SDCCAG8: variants seen among roughly 807,000 people sequenced by gnomAD.
The protein encoded by SDCCAG8 is SHH signaling and ciliogenesis regulator SDCCAG8, also known as serologically defined colon cancer antigen 8.
In SDCCAG8, 74 loss-of-function variants were observed where a neutral mutation model predicts 101.8. That is an observed-to-expected ratio of 0.73 (90% CI 0.60 to 0.88). The LOEUF is 0.88. Ranked by LOEUF, SDCCAG8 falls within the 40% of genes least tolerant of loss-of-function variation. The pLI is 0.00. For missense variants in SDCCAG8, 787 were observed against 822.6 expected (o/e 0.96, Z 0.53); for synonymous variants, 281 against 292.9 (o/e 0.96, Z 0.41).
chr1:243,370,805 T>A (rs192675302), intron 12 of SDCCAG8, among the ~76,000 whole-genome samples: 4 of 152,220 alleles, frequency 2.6e-5, no homozygotes, highest in Non-Finnish European at 5.9e-5. Flanking sequence ...AAAAAAAGTT[T>A]CTTAAAATTC....
chr1:243,385,159 C>T (rs569693764), intron 13 of SDCCAG8, among the ~76,000 whole-genome samples: 3 of 152,056 alleles, frequency 2.0e-5, no homozygotes, highest in South Asian at 2.1e-4. Flanking sequence ...GAGGCTGAGG[C>T]GGGCAGGTCA....
chr1:243,396,318 A>G (rs1471633402), intron 13 of SDCCAG8, among the ~76,000 whole-genome samples: 4 of 152,122 alleles, frequency 2.6e-5, no homozygotes, highest in African/African-American at 4.8e-5. Context: ...TACAACTTAC[A>G]TTTCTTTAGA....
chr1:243,426,350 G>A (rs1049930678), intron 15 of SDCCAG8, 77 bp from the exon 16 acceptor site: 3 of 1,257,428 alleles, frequency 2.4e-6, no homozygotes, highest in South Asian at 2.5e-5. Flanking sequence ...TTAAGATAAT[G>A]TTAAGGTTAT....
intron 12 of SDCCAG8, among the ~76,000 whole-genome samples, chr1:243,375,547 T>C (rs1016752238): frequency 6.6e-6 from 1 of 152,130 alleles, no homozygotes; most frequent in Non-Finnish European, 1.5e-5. Context: ...AGTTTCTACT[T>C]TGAGTTGTTC....
chr1:243,268,178 A>C (rs1417991235), intron 1 of SDCCAG8: 2 of 559,344 alleles, frequency 3.6e-6, no homozygotes, highest in Non-Finnish European at 6.4e-6. Context: ...TTTTACCTGG[A>C]ATACATTTTT....
At chr1:243,429,786 C>A (rs948606494) in intron 16 of SDCCAG8, among the ~76,000 whole-genome samples, 1 of 148,954 alleles carries the variant, frequency 6.7e-6, no homozygotes, top group African/African-American at 2.5e-5. Context: ...ACTGCAACCT[C>A]CGCCTCCTGG....
chr1:243,308,389 A>G (rs986620301), intron 8 of SDCCAG8, among the ~76,000 whole-genome samples: 3 of 152,230 alleles, frequency 2.0e-5, no homozygotes, highest in Non-Finnish European at 4.4e-5. Flanking sequence ...AACAGAAACC[A>G]TGCCACTTTG....
At chr1:243,342,972 A>G (rs1417854262) in intron 11 of SDCCAG8, among the ~76,000 whole-genome samples, 2 of 152,098 alleles carry the variant, frequency 1.3e-5, no homozygotes, top group Non-Finnish European at 1.5e-5. Context: ...TTGTTTGGAG[A>G]CAGGATCTTG....
intron 15 of SDCCAG8, 135 bp downstream of exon 15, chr1:243,418,211 A>G: frequency 1.5e-6 from 1 of 678,736 alleles, no homozygotes; most frequent in Non-Finnish European, 2.6e-6. Context: ...CTTTGAAAAT[A>G]TTTTCTACAT....
rs2070475255 is a variant in SDCCAG8 at position 243,293,470 on chromosome 1, CCT to C, written c.675+252_675+253del. 1.1e-5 allele frequency: 7 copies of C among 614,214 alleles called. 1 individual carries two copies. Among genetic ancestry groups the C allele is most frequent in the South Asian group, 1.1e-4 (7 of 66,004 alleles). 38.0% of individuals were successfully genotyped at this position (614,214 alleles called of 1,614,324 possible). On this transcript the variant is annotated intron_variant, in intron 6 of 17. Transcript: ENST00000366541. ...ATCTCCATTCCCCTCCCTGCCAACC[CCT>C]GATGACCTCTCTTCAACTTTCGGTC...
chr1:243,437,606 G>A (rs1046591010), intron 16 of SDCCAG8, among the ~76,000 whole-genome samples: 3 of 146,704 alleles, frequency 2.0e-5, no homozygotes, highest in Non-Finnish European at 4.4e-5. Context: ...GTGCCATCTC[G>A]GCTGACTGCA....
chr1:243,418,958 A>G (rs1353623399), intron 15 of SDCCAG8, among the ~76,000 whole-genome samples: 1 of 152,192 alleles, frequency 6.6e-6, no homozygotes, highest in Non-Finnish European at 1.5e-5. Flanking sequence ...AGATCTATTG[A>G]GAGCAGGAAA....
At position 243,349,891 on chromosome 1, in the gene SDCCAG8, A is replaced by G. The variant is rs1031472844; in HGVS notation, c.1473+5560A>G. Among the ~76,000 whole-genome samples, 6 of 151,324 alleles carry G rather than the reference A, an allele frequency of 4.0e-5. No homozygotes were observed. The East Asian group carries it at 9.7e-4, about 25-fold the overall frequency. On this transcript the variant is annotated intron_variant, in intron 12 of 17. Transcript: ENST00000366541. The stretch of plus-strand genomic sequence containing the variant: ...AATTTTGGAGTTGTGGCTACTACTG[A>G]GTAGAAAACATCAAGTTTGAAATGA...
chr1:243,496,506 G>C (rs1035010508), intron 17 of SDCCAG8, among the ~76,000 whole-genome samples: 1 of 152,230 alleles, frequency 6.6e-6, no homozygotes. Context: ...GTTTTGACTT[G>C]GCCAAACAGA....
intron 6 of SDCCAG8, among the ~76,000 whole-genome samples, chr1:243,304,118 A>G (rs765363948): frequency 2.6e-5 from 4 of 152,132 alleles, no homozygotes; most frequent in Non-Finnish European, 4.4e-5. Flanking sequence ...ACAGGGGTCA[A>G]TGACCCTAAC....
intron 7 of SDCCAG8, chr1:243,304,987 G>A: frequency 3.6e-6 from 2 of 556,076 alleles, no homozygotes; most frequent in East Asian, 6.3e-5. Context: ...TTCATCAGTT[G>A]TAAAATATTT....
At chr1:243,334,868 G>A (rs975382867) in intron 10 of SDCCAG8, among the ~76,000 whole-genome samples, 24 of 152,148 alleles carry the variant, frequency 1.6e-4, no homozygotes, top group African/African-American at 4.1e-4. Flanking sequence ...GATTACAGGC[G>A]TGAGCCACTG....
At position 243,264,093 on chromosome 1, in the gene SDCCAG8, C is replaced by T. The variant is rs145014408; in HGVS notation, c.68-6012C>T. ...GCATATTCTCTCAGAGACAGCTGGG[C>T]GCTTCGCAGGGAGTGGTCCCCCTCC... On this transcript the variant is annotated intron_variant, in intron 1 of 17. Coordinates refer to ENST00000366541, the MANE Select transcript of SDCCAG8 (RefSeq NM_006642.5). 4.2e-3 allele frequency among the ~76,000 whole-genome samples: 646 copies of T among 152,276 alleles called. 2 individuals are homozygous for T. The highest frequency in any genetic ancestry group is 0.015 in the African/African-American group (616 of 41,554).
At chr1:243,418,817 A>G (rs1424928367) in intron 15 of SDCCAG8, among the ~76,000 whole-genome samples, 2 of 152,210 alleles carry the variant, frequency 1.3e-5, no homozygotes, top group Non-Finnish European at 2.9e-5. Flanking sequence ...CATTGGACAG[A>G]ATCACTTTAA....
Sources: allele counts gnomAD v4.1 joint callset (sites outside exome capture counted in the v4.1 genomes callset), GRCh38; gene constraint gnomAD v4.1.1; transcripts MANE v1.5; gene names NCBI Gene and HGNC (gene_info 2026-07-23, HGNC 2026-07-21).